The following DCAF8L2 variants were observed in gnomAD, a reference collection of about 807,000 sequenced individuals.
DCAF8L2 encodes DDB1 and CUL4 associated factor 8 like 2, also known as DDB1- and CUL4-associated factor 8-like protein 2.
For synonymous variants in DCAF8L2, 200 were observed against 190.9 expected, an observed-to-expected ratio of 1.05 and a Z score of -0.39; for missense variants, 430 against 490.7, an observed-to-expected ratio of 0.88 and a Z score of 1.17.
the DCAF8L2 span, among the ~76,000 whole-genome samples, chrX:27,507,558 CATT>C: frequency 2.7e-5 from 3 of 111,621 alleles, no homozygotes; most frequent in Non-Finnish European, 5.7e-5. Context: ...TTTGTAGCAG[CATT>C]ATTAATTAAA....
At chrX:27,500,970 C>T in the DCAF8L2 span, among the ~76,000 whole-genome samples, 11 of 111,347 alleles carry the variant, frequency 9.9e-5, no homozygotes, top group Non-Finnish European at 1.7e-4. Flanking sequence ...TCAGAAGCTG[C>T]CTGAATCATG....
At chrX:27,589,193 A>T (rs991284388), upstream of DCAF8L2, among the ~76,000 whole-genome samples, 6 of 111,610 alleles carry the variant, frequency 5.4e-5, no homozygotes, top group Non-Finnish European at 1.1e-4. Context: ...TATACTAAAC[A>T]ACTTCCCATT....
rs185413013 is a variant in DCAF8L2, at chrX:27,675,920, T to C, written c.-219-1916T>C. Among the ~76,000 whole-genome samples the C allele has an allele frequency of 7.1e-5, 8 of 112,298 alleles. No individual in the cohort carries two copies. The East Asian group carries it at 2.2e-3, about 31-fold the overall frequency. ...TAGCACAGAAAGCAGAGTAATCCGC[T>C]GTCAAGGGATGCTGTGACTTGCAAA... On this transcript the variant is annotated intron_variant, in intron 2 of 4. Transcript: ENST00000451261.
At chrX:27,477,921 G>A in the DCAF8L2 span, among the ~76,000 whole-genome samples, 2 of 111,476 alleles carry the variant, frequency 1.8e-5, no homozygotes, top group Non-Finnish European at 3.8e-5. Context: ...AAAATGCCTA[G>A]AATATGGATT....
intron 2 of DCAF8L2, among the ~76,000 whole-genome samples, chrX:27,657,248 A>G (rs1009707693): frequency 6.3e-5 from 7 of 111,051 alleles, no homozygotes; most frequent in African/African-American, 2.3e-4. Flanking sequence ...ACGCATATAC[A>G]CGCCGAAAGG....
chrX:27,486,264 C>T, the DCAF8L2 span, among the ~76,000 whole-genome samples: 2 of 110,039 alleles, frequency 1.8e-5, no homozygotes, highest in African/African-American at 6.6e-5. Flanking sequence ...CCTCGGCCTC[C>T]CAAAGTGCTA....
At chrX:27,617,848 A>G in intron 1 of DCAF8L2, among the ~76,000 whole-genome samples, 1 of 112,000 alleles carries the variant, frequency 8.9e-6, no homozygotes, top group Middle Eastern at 4.7e-3. Context: ...CTAGATAATT[A>G]TGTCTAGAGA....
At chrX:27,532,841 T>A in the DCAF8L2 span, among the ~76,000 whole-genome samples, 1 of 106,708 alleles carries the variant, frequency 9.4e-6, no homozygotes, top group Non-Finnish European at 1.9e-5. Context: ...TTTGCGGGGC[T>A]GAAGCAGGAG....
chrX:27,714,644 G>C (rs766692612), intron 3 of DCAF8L2, among the ~76,000 whole-genome samples: 1 of 112,089 alleles, frequency 8.9e-6, no homozygotes, highest in Non-Finnish European at 1.9e-5. Flanking sequence ...TACAGAAGGT[G>C]CTGTAAACTA....
At chrX:27,544,968 G>C in the DCAF8L2 span, among the ~76,000 whole-genome samples, 2 of 112,173 alleles carry the variant, frequency 1.8e-5, no homozygotes, top group Non-Finnish European at 3.8e-5. Flanking sequence ...AATGTCCTAT[G>C]CCTTAACAGC....
chrX:27,602,119 C>T (rs1255902996), intron 1 of DCAF8L2, among the ~76,000 whole-genome samples: 1 of 110,757 alleles, frequency 9.0e-6, no homozygotes. Flanking sequence ...TGCAGTAGCG[C>T]AAGTCTCCCG....
intron 1 of DCAF8L2, among the ~76,000 whole-genome samples, chrX:27,607,331 A>G (rs188765056): frequency 2.7e-5 from 3 of 111,665 alleles, no homozygotes; most frequent in East Asian, 5.6e-4. Flanking sequence ...TGGAGCCTGC[A>G]TTACCAAATG....
intron 2 of DCAF8L2, among the ~76,000 whole-genome samples, chrX:27,660,132 C>T (rs760750107): frequency 9.0e-6 from 1 of 111,600 alleles, no homozygotes; most frequent in South Asian, 3.8e-4. Context: ...AAGTGATTCT[C>T]CTGCCTCAGC....
chrX:27,609,022 C>A (rs751505113), intron 1 of DCAF8L2, among the ~76,000 whole-genome samples: 1 of 111,283 alleles, frequency 9.0e-6, no homozygotes, highest in African/African-American at 3.3e-5. Context: ...AATTATGCCT[C>A]TATTTGGTTG....
At chrX:27,690,699 T>G (rs1202342725) in intron 3 of DCAF8L2, among the ~76,000 whole-genome samples, 5 of 111,161 alleles carry the variant, frequency 4.5e-5, no homozygotes, top group African/African-American at 1.6e-4. Context: ...GGCCTTTACC[T>G]CCTCTCTTTT....
the DCAF8L2 span, among the ~76,000 whole-genome samples, chrX:27,564,038 TGCTGC>T: frequency 8.9e-6 from 1 of 112,168 alleles, no homozygotes; most frequent in Non-Finnish European, 1.9e-5. Context: ...TCCGTTTTCA[TGCTGC>T]TAATAAACAT....
At chrX:27,692,691 C>G (rs1930754895) in intron 3 of DCAF8L2, among the ~76,000 whole-genome samples, 1 of 111,818 alleles carries the variant, frequency 8.9e-6, no homozygotes, top group African/African-American at 3.2e-5. Context: ...AGTTGTTTAT[C>G]TACTTTGGTG....
At chrX:27,594,009 AT>A (rs910406305) in intron 1 of DCAF8L2, among the ~76,000 whole-genome samples, 2 of 112,571 alleles carry the variant, frequency 1.8e-5, no homozygotes, top group Non-Finnish European at 3.7e-5. Context: ...AAATTTTTTT[AT>A]AATAAAGTCA....
At chrX:27,561,079 C>T in the DCAF8L2 span, among the ~76,000 whole-genome samples, 91 of 112,293 alleles carry the variant, frequency 8.1e-4, no homozygotes, top group African/African-American at 2.9e-3. Context: ...CTTGAAAAGA[C>T]CAACTTGTCC....
Sources: gnomAD v4.1 joint callset for allele counts (sites outside exome capture counted in the v4.1 genomes callset) on GRCh38, gnomAD v4.1.1 for gene constraint, MANE v1.5 for transcripts, NCBI Gene and HGNC (gene_info 2026-07-23, HGNC 2026-07-21) for gene names.